TMEM222: variants seen among roughly 807,000 people sequenced by gnomAD.
The protein encoded by TMEM222 is transmembrane protein 222.
Under a neutral mutation model 25.1 loss-of-function variants are expected in TMEM222, and 18 were observed. The observed-to-expected ratio is 0.72, with a 90% confidence interval of 0.50 to 1.06. The LOEUF (loss-of-function observed/expected upper bound fraction) is 1.06, where lower values mean the gene tolerates loss of function less well. Ranked by LOEUF, TMEM222 falls within the 50% of genes least tolerant of loss-of-function variation. The pLI is 0.00. For missense variants in TMEM222, 296 were observed against 293.7 expected (o/e 1.01, Z -0.06); for synonymous variants, 131 against 117.9 (o/e 1.11, Z -0.72).
intron 5 of TMEM222, chr1:27,334,606 A>G (rs767038937): frequency 5.5e-6 from 8 of 1,444,644 alleles, no homozygotes; most frequent in South Asian, 2.8e-5. Context: ...GGAGGCTTCT[A>G]CGGATCCCTG....
intron 1 of TMEM222, among the ~76,000 whole-genome samples, chr1:27,329,423 A>T (rs58944993): frequency 0.048 from 7,254 of 152,158 alleles, 600 homozygotes; most frequent in African/African-American, 0.17. Flanking sequence ...ACCTCTAGCC[A>T]TAGATCAGTC....
chr1:27,333,258 A>C, intron 3 of TMEM222: 3 of 460,830 alleles, frequency 6.5e-6, no homozygotes, highest in South Asian at 4.7e-5. Flanking sequence ...GACATGCTGC[A>C]CAGTTTTATG....
intron 5 of TMEM222, chr1:27,334,750 C>T (rs1459471236): frequency 2.4e-6 from 3 of 1,242,178 alleles, no homozygotes; most frequent in African/African-American, 3.1e-5. Context: ...CGTGAGCCAG[C>T]ATAGGTTAGT....
At chr1:27,323,292 C>T (rs1453760468) in intron 1 of TMEM222, among the ~76,000 whole-genome samples, 1 of 152,216 alleles carries the variant, frequency 6.6e-6, no homozygotes, top group Admixed American at 6.5e-5. Context: ...TACATCTTAT[C>T]CACTCTCACC....
At chr1:27,324,047 C>T (rs543571581) in intron 1 of TMEM222, among the ~76,000 whole-genome samples, 5 of 152,220 alleles carry the variant, frequency 3.3e-5, no homozygotes, top group East Asian at 1.9e-4. Flanking sequence ...TAACAGGGGC[C>T]GGGCGTGGTG....
chr1:27,335,171 C>T (rs1349312012), intron 5 of TMEM222: 9 of 596,786 alleles, frequency 1.5e-5, no homozygotes, highest in Non-Finnish European at 2.7e-5. Flanking sequence ...GCGGAGCAGC[C>T]CCTGCCCGGG....
At chr1:27,330,503 C>T (rs577758342) in intron 1 of TMEM222, among the ~76,000 whole-genome samples, 1 of 152,160 alleles carries the variant, frequency 6.6e-6, no homozygotes, top group Non-Finnish European at 1.5e-5. Flanking sequence ...GTTTGAGTTA[C>T]AGCCATCCTG....
chr1:27,332,665 C>T (rs988719175), intron 3 of TMEM222: 2 of 630,096 alleles, frequency 3.2e-6, no homozygotes, highest in African/African-American at 3.6e-5. Context: ...TCATCAGTGT[C>T]CTCAGGTGAC....
At chr1:27,335,206 T>C in intron 5 of TMEM222, 173 bp from the exon 6 acceptor site, 2 of 646,204 alleles carry the variant, frequency 3.1e-6, no homozygotes, top group Non-Finnish European at 5.5e-6. Context: ...TCCCCCATAG[T>C]GGGCAACCAT....
At chr1:27,329,823 C>T (rs1177878015) in intron 1 of TMEM222, among the ~76,000 whole-genome samples, 8 of 152,170 alleles carry the variant, frequency 5.3e-5, no homozygotes, top group Admixed American at 6.5e-5. Context: ...AGAAACAGGC[C>T]GGGTACGGTG....
Position 27,322,374 on chromosome 1 carries a change from G to C in TMEM222, c.177G>C (p.Thr59=). 2 of 1,461,810 alleles carry C rather than the reference G, an allele frequency of 1.4e-6. No homozygotes were observed. The highest frequency in any genetic ancestry group is 1.4e-5 in the South Asian group (1 of 72,906). 90.6% of individuals were successfully genotyped at this position (1,461,810 alleles called of 1,614,324 possible). A position where few individuals can be genotyped will look rare whatever the true frequency, so the allele number is the denominator to read the frequency against. The change falls in exon 1 of 6, where the codon ACG becomes ACC. Residue 59 remains threonine (T), a synonymous_variant. Coordinates refer to ENST00000374076, the MANE Select transcript of TMEM222 (RefSeq NM_032125.3). ...GCTTCCCCTACTGCGTGGTGTGGACGCCCATCCCGGTGCTCACGTGAGTCT... is the reference window on the plus strand; with the variant it reads ...GCTTCCCCTACTGCGTGGTGTGGACCCCCATCCCGGTGCTCACGTGAGTCT... ...RSRFPYCVVW[T]PIPVLTWFFP...
At chr1:27,330,997 G>A in intron 2 of TMEM222, 193 bp downstream of exon 2, 1 of 1,473,586 alleles carries the variant, frequency 6.8e-7, no homozygotes, top group Non-Finnish European at 9.0e-7. Context: ...CAGGCCGGGA[G>A]GGCAGTGTGG....
At chr1:27,332,338 G>T in intron 3 of TMEM222, 1 of 713,728 alleles carries the variant, frequency 1.4e-6, no homozygotes, top group Non-Finnish European at 2.6e-6. Flanking sequence ...AGCTCTTCAG[G>T]TTTGTATTTT....
chr1:27,334,736 G>A, intron 5 of TMEM222: 1 of 1,275,666 alleles, frequency 7.8e-7, no homozygotes, highest in Non-Finnish European at 1.0e-6. Context: ...GCAGAGCCCA[G>A]ACTCGTGAGC....
Position 27,322,224 on chromosome 1 carries a change from G to A in TMEM222, c.27G>A (p.Leu9=). 6.9e-7 allele frequency: 1 copy of A among 1,450,274 alleles called. No homozygotes were observed. Among genetic ancestry groups the A allele is most frequent in the Non-Finnish European group, 9.1e-7 (1 of 1,095,174 alleles). 89.8% of individuals were successfully genotyped at this position (1,450,274 alleles called of 1,614,324 possible). A position where few individuals can be genotyped will look rare whatever the true frequency, so the allele number is the denominator to read the frequency against. MAEAEGSS[L]LLLPPPPPPP... ...TGGCGGAAGCGGAAGGGAGTTCTCT[G>A]CTCTTGTTGCCGCCGCCGCCACCCC... The change falls in exon 1 of 6, where the codon CTG becomes CTA. Residue 9 remains leucine, a synonymous_variant. Transcript: ENST00000374076.
At chr1:27,325,067 T>G (rs2014305950) in intron 1 of TMEM222, among the ~76,000 whole-genome samples, 1 of 152,128 alleles carries the variant, frequency 6.6e-6, no homozygotes, top group South Asian at 2.1e-4. Flanking sequence ...CATCGTAGTA[T>G]TACTGTATAG....
At position 27,335,413 on chromosome 1, in the gene TMEM222, A is replaced by G; in HGVS notation, c.574A>G (p.Ile192Val). 6.2e-7 allele frequency: 1 copy of G among 1,614,070 alleles called. No individual in the cohort carries two copies. The highest frequency in any genetic ancestry group is 8.5e-7 in the Non-Finnish European group (1 of 1,179,996). Residue 192 changes from isoleucine (I) to valine (V), a missense_variant, in exon 6 of 6, where the codon ATC (isoleucine) becomes GTC (valine). Physicochemically the swap from Ile to Val is conservative, Grantham distance 29 (BLOSUM62 3). Coordinates refer to ENST00000374076, the MANE Select transcript of TMEM222 (RefSeq NM_032125.3). ...CTTCGTGAAGACCTGGCTGCCCTTC[A>G]TCCTTCTCCTGGGCATCATCCTCAC... ...GAFVKTWLPFILLLGIILTVS... is the reference protein window; with the variant it reads ...GAFVKTWLPFVLLLGIILTVS...
chr1:27,330,824 A>AC lies in TMEM222; in HGVS notation c.279+23dup. 2.5e-6 allele frequency: 4 copies of AC among 1,613,274 alleles called. No individual in the cohort carries two copies. The highest frequency in any genetic ancestry group is 1.1e-5 in the South Asian group (1 of 91,040). On this transcript the variant is annotated intron_variant, in intron 2 of 5. Transcript: ENST00000374076. ...GTCTCAGTGAGTCCCCATTCTGCCC[A>AC]CCCGGGGGGTTCCAAGGTTTAAGTG... is the stretch of plus-strand genomic sequence containing the variant.
In TMEM222 at chr1:27,322,350, C is replaced by G. The variant is rs754638557; in HGVS notation, c.153C>G (p.Arg51=). 22 of 1,521,028 alleles carry G rather than the reference C, an allele frequency of 1.4e-5. No homozygotes were observed. In the Middle Eastern group the frequency reaches 1.2e-3, roughly 84 times the overall value. The allele number at this position is 1,521,028 out of a possible 1,614,324, so 94.2% of individuals were successfully genotyped here. ...TCGCCATGGATGTGGAACGGAGTCG[C>G]TTCCCCTACTGCGTGGTGTGGACGC... ...GGVAMDVERS[R]FPYCVVWTPI... The change falls in exon 1 of 6, where the codon CGC becomes CGG. Residue 51 remains arginine, a synonymous_variant. Transcript: ENST00000374076.
Sources: gnomAD v4.1 joint callset for allele counts (sites outside exome capture counted in the v4.1 genomes callset) on GRCh38, gnomAD v4.1.1 for gene constraint, MANE v1.5 for transcripts, NCBI Gene and HGNC (gene_info 2026-07-23, HGNC 2026-07-21) for gene names.